Variants in NRG1 observed in about 807,000 individuals in gnomAD.
The protein encoded by NRG1 is neuregulin 1.
A neutral mutation model predicts 63.8 loss-of-function variants in NRG1; 18 were observed. That is an observed-to-expected ratio of 0.28 (90% CI 0.19 to 0.42). The LOEUF (loss-of-function observed/expected upper bound fraction) is 0.42, where lower values mean the gene tolerates loss of function less well. NRG1 is among the 10% of genes least tolerant of loss of function. NRG1 has a pLI of 1.00. For synonymous variants in NRG1, 302 were observed against 301.3 expected (o/e 1.00, Z -0.02); for missense variants, 762 against 814.7 (o/e 0.94, Z 0.79).
intron 1 of NRG1, among the ~76,000 whole-genome samples, chr8:32,042,099 T>C (rs1377313193): frequency 6.6e-6 from 1 of 152,132 alleles, no homozygotes; most frequent in Non-Finnish European, 1.5e-5. Flanking sequence ...ACATAACCCT[T>C]CTGGATCTGT....
At chr8:32,628,981 G>A (rs1332478487) in intron 5 of NRG1, among the ~76,000 whole-genome samples, 4 of 152,010 alleles carry the variant, frequency 2.6e-5, no homozygotes, top group African/African-American at 7.2e-5. Context: ...TGATCCACCC[G>A]CCTTGGCCTC....
intron 1 of NRG1, among the ~76,000 whole-genome samples, chr8:32,357,898 G>T (rs1200082427): frequency 2.6e-5 from 4 of 152,124 alleles, no homozygotes; most frequent in African/African-American, 9.7e-5. Context: ...GTGGCAGACT[G>T]CCAGTTGCCT....
intron 1 of NRG1, among the ~76,000 whole-genome samples, chr8:32,272,788 A>C (rs1250824108): frequency 6.6e-6 from 1 of 152,288 alleles, no homozygotes; most frequent in South Asian, 2.1e-4. Flanking sequence ...TCAAAGAGTA[A>C]CCATTATCTT....
chr8:31,757,256 T>G (rs1461621042), intron 1 of NRG1, among the ~76,000 whole-genome samples: 1 of 152,126 alleles, frequency 6.6e-6, no homozygotes, highest in Non-Finnish European at 1.5e-5. Context: ...AAATGTTGCT[T>G]AAGTTTTTGG....
intron 1 of NRG1, among the ~76,000 whole-genome samples, chr8:32,214,580 C>T (rs1408632926): frequency 3.9e-5 from 6 of 152,044 alleles, no homozygotes; most frequent in Non-Finnish European, 8.8e-5. Flanking sequence ...GGGTTCGAGG[C>T]TGCAGTGAGC....
chr8:32,668,126 T>A (rs1330588299), intron 5 of NRG1, among the ~76,000 whole-genome samples: 4 of 151,312 alleles, frequency 2.6e-5, no homozygotes, highest in African/African-American at 9.7e-5. Context: ...GGCAGGAGAA[T>A]CACTTGAACC....
At chr8:32,070,481 T>C (rs1288510728) in intron 1 of NRG1, among the ~76,000 whole-genome samples, 1 of 152,232 alleles carries the variant, frequency 6.6e-6, no homozygotes, top group Admixed American at 6.5e-5. Context: ...TTTAGACTCC[T>C]AGGAAAATTA....
intron 1 of NRG1, among the ~76,000 whole-genome samples, chr8:32,155,801 A>G (rs892170963): frequency 6.6e-6 from 1 of 152,184 alleles, no homozygotes; most frequent in African/African-American, 2.4e-5. Context: ...TACCAATGCA[A>G]TATAGAAACT....
intron 1 of NRG1, among the ~76,000 whole-genome samples, chr8:32,474,672 TG>T (rs1824274612): frequency 1.3e-5 from 2 of 151,792 alleles, no homozygotes; most frequent in African/African-American, 2.4e-5. Context: ...TTTGTGTGTG[TG>T]TGTGTTTTTT....
intron 1 of NRG1, among the ~76,000 whole-genome samples, chr8:32,322,248 T>G (rs1801484460): frequency 6.6e-6 from 1 of 151,896 alleles, no homozygotes; most frequent in Non-Finnish European, 1.5e-5. Flanking sequence ...ATTTTCTGAC[T>G]ATAACATGCA....
intron 1 of NRG1, among the ~76,000 whole-genome samples, chr8:32,205,530 G>A (rs1404208126): frequency 6.6e-6 from 1 of 152,072 alleles, no homozygotes; most frequent in Non-Finnish European, 1.5e-5. Flanking sequence ...AATCCCCTTG[G>A]CCAAAAGTAA....
At chr8:32,166,842 T>C (rs1839450535) in intron 1 of NRG1, among the ~76,000 whole-genome samples, 1 of 152,162 alleles carries the variant, frequency 6.6e-6, no homozygotes, top group African/African-American at 2.4e-5. Context: ...CCATTAAGTT[T>C]AATGGTTTTT....
rs145165121 is a variant in NRG1, at chr8:32,624,555, T to C, written c.502+7670T>C. Among the ~76,000 whole-genome samples, 19 of 152,324 alleles carry C rather than the reference T, an allele frequency of 1.2e-4. No homozygotes were observed. In the East Asian group the frequency reaches 3.5e-3, roughly 28 times the overall value. ...AGGTGTTGTTGAAAATTGTGTTTCA[T>C]TGGGCAGACAAAACTAAGCAGGATG... On this transcript the variant is annotated intron_variant, in intron 5 of 11. Transcript: ENST00000356819.
intron 1 of NRG1, among the ~76,000 whole-genome samples, chr8:32,123,667 TTC>T (rs1238809554): frequency 2.7e-5 from 4 of 149,680 alleles, no homozygotes; most frequent in Middle Eastern, 3.2e-3. Context: ...TAATTTTTCA[TTC>T]TGTCTTATAA....
At chr8:32,636,808 A>G (rs897920381) in intron 5 of NRG1, among the ~76,000 whole-genome samples, 1 of 152,222 alleles carries the variant, frequency 6.6e-6, no homozygotes, top group Non-Finnish European at 1.5e-5. Context: ...GGTTAAAATT[A>G]TATGAATCTT....
chr8:32,678,171 A>G (rs1807679520), intron 5 of NRG1, among the ~76,000 whole-genome samples: 1 of 152,174 alleles, frequency 6.6e-6, no homozygotes, highest in South Asian at 2.1e-4. Context: ...TTACATTTAA[A>G]TTATTTTCAA....
At chr8:32,231,493 TTAA>T (rs747007967) in intron 1 of NRG1, among the ~76,000 whole-genome samples, 30 of 152,346 alleles carry the variant, frequency 2.0e-4, no homozygotes, top group African/African-American at 5.5e-4. Context: ...CTCTGGGGTA[TTAA>T]TAATAATTGT....
intron 1 of NRG1, among the ~76,000 whole-genome samples, chr8:32,507,886 T>C (rs930381986): frequency 6.6e-6 from 1 of 152,090 alleles, no homozygotes; most frequent in Non-Finnish European, 1.5e-5. Context: ...TTAGTAGAGA[T>C]GGGGTTTCAC....
At chr8:31,871,427 C>G (rs1434244527) in intron 1 of NRG1, among the ~76,000 whole-genome samples, 1 of 152,032 alleles carries the variant, frequency 6.6e-6, no homozygotes, top group Non-Finnish European at 1.5e-5. Flanking sequence ...CCCTTAGTCT[C>G]GCTTTCCCAC....
Sources: gnomAD v4.1 joint callset for allele counts (sites outside exome capture counted in the v4.1 genomes callset) on GRCh38, gnomAD v4.1.1 for gene constraint, MANE v1.5 for transcripts, NCBI Gene and HGNC (gene_info 2026-07-23, HGNC 2026-07-21) for gene names.